The following CGGBP1 variants were observed in gnomAD, a reference collection of about 807,000 sequenced individuals.
CGGBP1 encodes CGG triplet repeat binding protein 1.
CGGBP1 carries 4 observed loss-of-function variants against 11.4 expected under a neutral mutation model. The observed-to-expected ratio is 0.35, with a 90% confidence interval of 0.17 to 0.80. CGGBP1 has a LOEUF of 0.80. Among genes scored for constraint, CGGBP1 ranks in the 30% least tolerant of loss-of-function variants. The pLI is 0.52. For missense variants in CGGBP1, 135 were observed against 202.1 expected (o/e 0.67, Z 2.01); for synonymous variants, 76 against 74.1 (o/e 1.03, Z -0.13).
rs888254931 is a variant in CGGBP1 at position 88,053,743 on chromosome 3, G to A, written c.*1730C>T. The A allele has an allele frequency of 6.6e-6, 1 of 152,562 alleles. No individual in the cohort carries two copies. Among genetic ancestry groups the A allele is most frequent in the African/African-American group, 2.4e-5 (1 of 41,424 alleles). The allele number at this position is 152,562 out of a possible 1,614,324, so 9.5% of individuals were successfully genotyped here. A position where few individuals can be genotyped will look rare whatever the true frequency, so the allele number is the denominator to read the frequency against. ...TAGATAGTTCAAATTAAACATGGTT[G>A]CCTGCAAATTCTTTTCTAGAGGAAG... is the stretch of plus-strand genomic sequence containing the variant. On this transcript the variant is annotated 3_prime_UTR_variant, in exon 4 of 4. Coordinates refer to ENST00000482016, the MANE Select transcript of CGGBP1 (RefSeq NM_001008390.2).
At chr3:88,116,897 AG>A (rs1705442796) in intron 2 of CGGBP1, among the ~76,000 whole-genome samples, 1 of 152,328 alleles carries the variant, frequency 6.6e-6, no homozygotes, top group African/African-American at 2.4e-5. Context: ...CTAGTAAAAC[AG>A]TTCTCTGTTC....
intron 2 of CGGBP1, among the ~76,000 whole-genome samples, chr3:88,097,467 C>A (rs1327664808): frequency 2.6e-5 from 4 of 152,040 alleles, no homozygotes; most frequent in Non-Finnish European, 4.4e-5. Context: ...GAACTCAGCT[C>A]TGCACCAAGC....
intron 2 of CGGBP1, among the ~76,000 whole-genome samples, chr3:88,121,626 AC>A (rs1705773156): frequency 6.6e-6 from 1 of 152,182 alleles, no homozygotes; most frequent in Non-Finnish European, 1.5e-5. Flanking sequence ...AAAATGCATA[AC>A]ATCCTTAAAT....
chr3:88,072,275 G>C (rs13097271), intron 2 of CGGBP1, among the ~76,000 whole-genome samples: 1 of 152,132 alleles, frequency 6.6e-6, no homozygotes, highest in Non-Finnish European at 1.5e-5. Context: ...TTATTTCCCT[G>C]TTGCCACCTT....
At chr3:88,076,011 G>C (rs1477925620) in intron 2 of CGGBP1, among the ~76,000 whole-genome samples, 1 of 152,124 alleles carries the variant, frequency 6.6e-6, no homozygotes, top group Admixed American at 6.5e-5. Flanking sequence ...TGACTTTCTG[G>C]AGCACTTTTC....
chr3:88,059,130 G>A, upstream of CGGBP1: 2 of 1,102,226 alleles, frequency 1.8e-6, no homozygotes, highest in Non-Finnish European at 2.5e-6. Context: ...ATGATTGGCA[G>A]CTTGCGTCTT....
chr3:88,080,478 G>A (rs1183528628), intron 2 of CGGBP1, among the ~76,000 whole-genome samples: 2 of 151,932 alleles, frequency 1.3e-5, no homozygotes, highest in Non-Finnish European at 2.9e-5. Flanking sequence ...TTTTCAATAG[G>A]CCTGTGATTA....
chr3:88,132,031 T>C (rs2107848943), intron 2 of CGGBP1, among the ~76,000 whole-genome samples: 1 of 152,236 alleles, frequency 6.6e-6, no homozygotes, highest in East Asian at 1.9e-4. Flanking sequence ...TAGCTGCAAA[T>C]GTTTGCTGAG....
chr3:88,123,057 T>C (rs1374473715), intron 2 of CGGBP1, among the ~76,000 whole-genome samples: 1 of 151,400 alleles, frequency 6.6e-6, no homozygotes, highest in East Asian at 1.9e-4. Flanking sequence ...ATACAATGTG[T>C]ATATATACCC....
chr3:88,055,728 C>CT lies in CGGBP1; in HGVS notation c.248dup (p.Arg84GlufsTer36). The stretch of plus-strand genomic sequence containing the variant: ...ACTGAAGAGATGCAGTTAGGGGCCT[C>CT]TGCTTCTTTCTCACATTCTGCTCTT... On this transcript the variant is annotated frameshift_variant, in exon 4 of 4. Coordinates refer to ENST00000482016, the MANE Select transcript of CGGBP1 (RefSeq NM_001008390.2). LOFTEE classifies it high-confidence loss of function. This position sits in a 1 kb window ranked among gnomAD's most constrained non-coding sequence, Gnocchi z 4.2. The CT allele has an allele frequency of 6.2e-7, 1 of 1,614,228 alleles. No homozygotes were observed. Among genetic ancestry groups the CT allele is most frequent in the Non-Finnish European group, 8.5e-7 (1 of 1,180,042 alleles).
At chr3:88,146,934 C>G (rs1269827714) in intron 1 of CGGBP1, among the ~76,000 whole-genome samples, 1 of 152,176 alleles carries the variant, frequency 6.6e-6, no homozygotes, top group African/African-American at 2.4e-5. Flanking sequence ...TTTCTCTAAC[C>G]TGGACTATTT....
chr3:88,139,204 CTGA>C, intron 2 of CGGBP1: 1 of 1,458,726 alleles, frequency 6.9e-7, no homozygotes, highest in Non-Finnish European at 9.0e-7. Flanking sequence ...GAGACTGATC[CTGA>C]TGATGTATCT....
At chr3:88,093,324 A>G (rs1304166321) in intron 2 of CGGBP1, among the ~76,000 whole-genome samples, 8 of 152,210 alleles carry the variant, frequency 5.3e-5, no homozygotes, top group Non-Finnish European at 8.8e-5. Flanking sequence ...TAAGTTTTAC[A>G]TAAAAGAAAA....
intron 2 of CGGBP1, among the ~76,000 whole-genome samples, chr3:88,099,659 G>A (rs558823018): frequency 2.6e-5 from 4 of 152,270 alleles, no homozygotes; most frequent in Admixed American, 2.0e-4. Context: ...AGAGCCCTCA[G>A]AAATAATACC....
At chr3:88,095,662 T>G in intron 2 of CGGBP1, 1 of 474,078 alleles carries the variant, frequency 2.1e-6, no homozygotes, top group South Asian at 1.6e-5. Context: ...CTCTGTTCTC[T>G]TTTTTGGACT....
intron 1 of CGGBP1, chr3:88,141,572 A>C (rs894711609): frequency 8.5e-7 from 1 of 1,177,592 alleles, no homozygotes; most frequent in Non-Finnish European, 1.2e-6. Flanking sequence ...GTATAAATTA[A>C]ACAGGAATCT....
At chr3:88,063,406 T>A (rs1236778366), upstream of CGGBP1, among the ~76,000 whole-genome samples, 2 of 152,176 alleles carry the variant, frequency 1.3e-5, no homozygotes, top group Non-Finnish European at 2.9e-5. Flanking sequence ...TAAGAGATGG[T>A]ATTCACAGAA....
chr3:88,113,097 T>C (rs2107766840), intron 2 of CGGBP1: 1 of 1,492,330 alleles, frequency 6.7e-7, no homozygotes, highest in Non-Finnish European at 9.0e-7. Flanking sequence ...ATGAAAGTTA[T>C]TCACTTATTC....
rs940519283 is a variant in CGGBP1, at chr3:88,071,393, C to T, written c.-228-13170G>A. The stretch of plus-strand genomic sequence containing the variant: ...GGTGCAGTGGCTCACTCCTGTAATC[C>T]CAGCACTTTGGGAGGCTGAGGCGGG... On this transcript the variant is annotated intron_variant, in intron 2 of 3. Transcript: ENST00000462901. 9.2e-5 allele frequency among the ~76,000 whole-genome samples: 14 copies of T among 152,112 alleles called. 1 individual carries two copies. The highest frequency in any genetic ancestry group is 8.5e-4 in the Admixed American group (13 of 15,268).
Sources: allele counts gnomAD v4.1 joint callset (sites outside exome capture counted in the v4.1 genomes callset), GRCh38; gene constraint gnomAD v4.1.1; non-coding constraint Gnocchi (gnomAD v3.1); transcripts MANE v1.5; gene names NCBI Gene and HGNC (gene_info 2026-07-23, HGNC 2026-07-21).